Variants in KIFAP3 observed in about 807,000 individuals in gnomAD.
KIFAP3 encodes the protein kinesin associated protein 3.
Under a neutral mutation model 106.5 loss-of-function variants are expected in KIFAP3, and 68 were observed. The observed-to-expected ratio is 0.64, with a 90% CI of 0.53 to 0.78. KIFAP3 has a LOEUF of 0.78. KIFAP3 is among the 30% of genes least tolerant of loss of function. The pLI, the probability that KIFAP3 is intolerant of heterozygous loss-of-function variation, is 0.00. For missense variants in KIFAP3, 780 were observed against 941.8 expected, an observed-to-expected ratio of 0.83 and a Z score of 2.25; for synonymous variants, 320 against 311.5, an observed-to-expected ratio of 1.03 and a Z score of -0.29.
At position 170,074,502 on chromosome 1, in the gene KIFAP3, A is replaced by G. The variant is rs1419833926; in HGVS notation, c.-35T>C. ...GGCAGCGGCGTGGAGAGGATGGGGT[A>G]TCTTGAGAGGCAGGCGCGGTTATTT... On this transcript the variant is annotated 5_prime_UTR_variant, in exon 1 of 20. Transcript: ENST00000361580. 1 of 1,613,614 alleles carries G rather than the reference A, an allele frequency of 6.2e-7. No individual in the cohort carries two copies. Among genetic ancestry groups the G allele is most frequent in the East Asian group, 2.2e-5 (1 of 44,878 alleles).
In KIFAP3 at chr1:169,961,042, T is replaced by C. The variant is rs1386930749; in HGVS notation, c.2173+4A>G. ...AAACTGTTTACTTTCGCTTTGGTTA[T>C]CACCTGAGTTGTAGAAAAGGTCAGG... On this transcript the variant is annotated splice_donor_region_variant and intron_variant, in intron 18 of 19. Transcript: ENST00000361580. The C allele has an allele frequency of 3.7e-6, 6 of 1,609,128 alleles. No individual in the cohort carries two copies. Among genetic ancestry groups the C allele is most frequent in the Non-Finnish European group, 5.1e-6 (6 of 1,177,454 alleles).
chr1:170,047,274 T>C (rs1670305065), intron 2 of KIFAP3, among the ~76,000 whole-genome samples: 1 of 152,026 alleles, frequency 6.6e-6, no homozygotes, highest in African/African-American at 2.4e-5. Context: ...AATATTGATA[T>C]GTTCAGATTC....
intron 8 of KIFAP3, among the ~76,000 whole-genome samples, chr1:170,030,681 A>G (rs181595844): frequency 6.6e-6 from 1 of 152,006 alleles, no homozygotes; most frequent in East Asian, 1.9e-4. Context: ...TGAGTAAAAG[A>G]CAAAAATGCA....
intron 15 of KIFAP3, among the ~76,000 whole-genome samples, chr1:169,981,128 CA>C (rs1357385879): frequency 6.6e-6 from 1 of 152,010 alleles, no homozygotes; most frequent in East Asian, 1.9e-4. Flanking sequence ...AACAAACAAA[CA>C]AACAAAAAGA....
intron 14 of KIFAP3, among the ~76,000 whole-genome samples, chr1:169,982,413 G>C (rs148812918): frequency 6.6e-6 from 1 of 152,160 alleles, no homozygotes; most frequent in African/African-American, 2.4e-5. Flanking sequence ...TGTATATGCA[G>C]AGGGATGGTA....
In KIFAP3 at chr1:169,944,931, C is replaced by T. The variant is rs555662532; in HGVS notation, c.2273+9080G>A. Among the ~76,000 whole-genome samples, 199 of 152,208 alleles carry T rather than the reference C, an allele frequency of 1.3e-3. 5 individuals carry two copies. In the South Asian group the frequency reaches 0.027, roughly 21 times the overall value. ...TTGGGTGGGAGACTCCACCTGGAAC[C>T]GGCAGCCTGGTCCCCAGGCTCAGGC... On this transcript the variant is annotated intron_variant, in intron 19 of 19. Transcript: ENST00000361580.
intron 10 of KIFAP3, among the ~76,000 whole-genome samples, chr1:170,014,527 G>C (rs1668410287): frequency 6.6e-6 from 1 of 152,068 alleles, no homozygotes; most frequent in Non-Finnish European, 1.5e-5. Flanking sequence ...CATTTCAAAT[G>C]AAATCTTATC....
intron 10 of KIFAP3, among the ~76,000 whole-genome samples, chr1:170,003,053 A>G (rs1052930283): frequency 7.9e-5 from 12 of 152,328 alleles, no homozygotes; most frequent in African/African-American, 2.9e-4. Context: ...GTGGTGAGCC[A>G]GGTTTTTTCA....
At chr1:169,942,263 G>C (rs1217087645) in intron 19 of KIFAP3, among the ~76,000 whole-genome samples, 1 of 152,034 alleles carries the variant, frequency 6.6e-6, no homozygotes, top group Non-Finnish European at 1.5e-5. Context: ...TATTTTATTT[G>C]AGGAGAAAAA....
chr1:170,073,521 A>AT (rs1311336869), intron 1 of KIFAP3, among the ~76,000 whole-genome samples: 1 of 152,188 alleles, frequency 6.6e-6, no homozygotes, highest in Non-Finnish European at 1.5e-5. Context: ...TTCATGTTTC[A>AT]TTTTTTAAAA....
intron 8 of KIFAP3, 132 bp downstream of exon 8, chr1:170,031,754 T>C (rs1417967128): frequency 1.7e-6 from 1 of 591,448 alleles, no homozygotes; most frequent in Admixed American, 2.6e-5. Flanking sequence ...CAGACGAACT[T>C]GTAGCATATT....
intron 17 of KIFAP3, among the ~76,000 whole-genome samples, chr1:169,964,859 A>G (rs1665522779): frequency 6.6e-6 from 1 of 152,188 alleles, no homozygotes; most frequent in Non-Finnish European, 1.5e-5. Context: ...TCACAAGAGT[A>G]CACTTTTTGT....
At chr1:170,056,140 T>C (rs1249004904) in intron 1 of KIFAP3, among the ~76,000 whole-genome samples, 1 of 151,744 alleles carries the variant, frequency 6.6e-6, no homozygotes, top group Non-Finnish European at 1.5e-5. Flanking sequence ...TGCCCGTTAA[T>C]TACCCCATTA....
At chr1:170,040,973 A>T (rs866428489) in intron 3 of KIFAP3, among the ~76,000 whole-genome samples, 16 of 151,826 alleles carry the variant, frequency 1.1e-4, no homozygotes, top group African/African-American at 3.9e-4. Context: ...TCACAGGCGC[A>T]CACCACAACG....
At position 170,051,347 on chromosome 1, in the gene KIFAP3, T is replaced by TA. The variant is rs199887012; in HGVS notation, c.164+3957dup. ...CACCCAGATTCACAAAACAAGTTCT[T>TA]AGAGACCTACACTACAAAGAGACTT... On this transcript the variant is annotated intron_variant, in intron 2 of 19. Coordinates refer to ENST00000361580, the MANE Select transcript of KIFAP3 (RefSeq NM_014970.4). Among the ~76,000 whole-genome samples, 29 of 145,510 alleles carry TA rather than the reference T, an allele frequency of 2.0e-4. No homozygotes were observed. The East Asian group carries it at 5.9e-3, about 30-fold the overall frequency.
In KIFAP3 at chr1:169,948,827, A is replaced by G. The variant is rs559329495; in HGVS notation, c.2273+5184T>C. On this transcript the variant is annotated intron_variant, in intron 19 of 19. Transcript: ENST00000361580. ...CTCTTCTGAATAACTGCTTTGAAAC[A>G]AACTCATAATATACAGTTCTAGTAA... is the stretch of plus-strand genomic sequence containing the variant. Among the ~76,000 whole-genome samples the G allele has an allele frequency of 2.6e-5, 4 of 152,164 alleles. No homozygotes were observed. The East Asian group carries it at 5.8e-4, about 22-fold the overall frequency.
intron 17 of KIFAP3, among the ~76,000 whole-genome samples, chr1:169,970,718 A>C (rs1372016761): frequency 6.6e-6 from 1 of 152,050 alleles, no homozygotes; most frequent in East Asian, 1.9e-4. Context: ...CAGGTTTCTT[A>C]TAATTTAAAA....
At chr1:170,070,126 T>G (rs1671634693) in intron 1 of KIFAP3, among the ~76,000 whole-genome samples, 2 of 152,024 alleles carry the variant, frequency 1.3e-5, no homozygotes, top group Non-Finnish European at 2.9e-5. Flanking sequence ...AACTGTATAC[T>G]GAAAACAAAA....
intron 13 of KIFAP3, 139 bp downstream of exon 13, chr1:169,983,131 T>A (rs1221976931): frequency 1.6e-6 from 1 of 636,354 alleles, no homozygotes; most frequent in East Asian, 2.9e-5. Context: ...TTCTAGGTGC[T>A]AAACTAACAA....
Sources: allele counts gnomAD v4.1 joint callset (sites outside exome capture counted in the v4.1 genomes callset), GRCh38; gene constraint gnomAD v4.1.1; transcripts MANE v1.5; gene names NCBI Gene and HGNC (gene_info 2026-07-23, HGNC 2026-07-21).